The following ELAPOR2 variants were observed in gnomAD, a reference collection of about 807,000 sequenced individuals.
ELAPOR2 encodes the protein endosome/lysosome-associated apoptosis and autophagy regulator family member 2.
ELAPOR2 carries 89 observed loss-of-function variants against 120.7 expected under a neutral mutation model. The observed-to-expected ratio is 0.74, with a 90% CI of 0.62 to 0.88. The LOEUF (loss-of-function observed/expected upper bound fraction) is 0.88, where lower values mean the gene tolerates loss of function less well. ELAPOR2 is among the 40% of genes least tolerant of loss of function. The probability of loss-of-function intolerance (pLI) is 0.00; values close to 1 mark genes in which losing one functional copy is unlikely to be tolerated. For synonymous variants in ELAPOR2, 444 were observed against 444.9 expected, an observed-to-expected ratio of 1.00 and a Z score of 0.03; for missense variants, 1,134 against 1,251.6, an observed-to-expected ratio of 0.91 and a Z score of 1.42.
chr7:87,032,439 C>T (rs1341571982), intron 1 of ELAPOR2, among the ~76,000 whole-genome samples: 1 of 152,142 alleles, frequency 6.6e-6, no homozygotes, highest in Non-Finnish European at 1.5e-5. Context: ...GACAGAATTA[C>T]ACATCAATTT....
At chr7:87,054,704 A>G (rs1031960637) in intron 1 of ELAPOR2, among the ~76,000 whole-genome samples, 1 of 152,130 alleles carries the variant, frequency 6.6e-6, no homozygotes, top group African/African-American at 2.4e-5. Context: ...AAATCTAGGA[A>G]GGCTCTATAA....
chr7:87,043,057 C>A (rs1032399128), intron 1 of ELAPOR2, among the ~76,000 whole-genome samples: 1 of 151,962 alleles, frequency 6.6e-6, no homozygotes, highest in South Asian at 2.1e-4. Context: ...CAACACTAAA[C>A]CAGGAAGAAG....
chr7:87,034,343 T>C (rs1013067684), intron 1 of ELAPOR2, among the ~76,000 whole-genome samples: 5 of 152,142 alleles, frequency 3.3e-5, no homozygotes, highest in African/African-American at 9.7e-5. Context: ...TGGCTATTGT[T>C]ATTATTTATT....
intron 1 of ELAPOR2, among the ~76,000 whole-genome samples, chr7:87,040,258 T>G (rs1378468499): frequency 1.3e-5 from 2 of 152,218 alleles, no homozygotes; most frequent in African/African-American, 4.8e-5. Context: ...TCGAACTGGG[T>G]GGAGCCCACC....
intron 10 of ELAPOR2, among the ~76,000 whole-genome samples, chr7:86,923,697 C>G (rs1436228747): frequency 6.6e-6 from 1 of 152,046 alleles, no homozygotes; most frequent in Non-Finnish European, 1.5e-5. Context: ...TTCTGTACAA[C>G]TTGCACATAA....
chr7:86,993,467 T>C (rs1767697), intron 1 of ELAPOR2, among the ~76,000 whole-genome samples: 57,335 of 151,612 alleles, frequency 0.38, 11,682 homozygotes, highest in African/African-American at 0.53. Context: ...ACAATACCAT[T>C]ATTACTGAGT....
intron 1 of ELAPOR2, among the ~76,000 whole-genome samples, chr7:86,988,434 C>T (rs919523252): frequency 6.6e-6 from 1 of 152,030 alleles, no homozygotes; most frequent in African/African-American, 2.4e-5. Context: ...ATTTATGTAG[C>T]ATTTACATTG....
intron 21 of ELAPOR2, among the ~76,000 whole-genome samples, chr7:86,887,564 G>T (rs1239976017): frequency 6.6e-6 from 1 of 152,044 alleles, no homozygotes; most frequent in African/African-American, 2.4e-5. Context: ...TATAAAGTTG[G>T]TAGCTTTAAA....
At chr7:86,965,705 A>G (rs1044611636) in intron 1 of ELAPOR2, 43 of 485,256 alleles carry the variant, frequency 8.9e-5, no homozygotes, top group Non-Finnish European at 1.0e-4. Flanking sequence ...CACATTACAC[A>G]TAAGTGATAT....
At chr7:86,960,580 C>A (rs551011491) in intron 2 of ELAPOR2, among the ~76,000 whole-genome samples, 3 of 152,090 alleles carry the variant, frequency 2.0e-5, no homozygotes, top group African/African-American at 7.2e-5. Context: ...TTTCTGTCCA[C>A]GTGATCTGTC....
At chr7:87,056,639 A>C (rs78161728) in intron 1 of ELAPOR2, among the ~76,000 whole-genome samples, 2,506 of 152,290 alleles carry the variant, frequency 0.016, 72 homozygotes, top group African/African-American at 0.056. Flanking sequence ...ACAAAGGAAT[A>C]TGTATTTTAT....
Position 86,946,676 on chromosome 7 carries a change from C to T in ELAPOR2, c.506+1051G>A, listed in dbSNP as rs186253815. ...TGCTGGGATTACAGGCATGAGCCAC[C>T]GCCGCACTGGCCCAGACTCAAATTT... On this transcript the variant is annotated intron_variant, in intron 3 of 21. Coordinates refer to ENST00000450689, the MANE Select transcript of ELAPOR2 (RefSeq NM_001142749.3). Among the ~76,000 whole-genome samples the T allele has an allele frequency of 4.1e-4, 62 of 152,252 alleles. No homozygotes were observed. The East Asian group carries it at 0.011, about 27-fold the overall frequency.
chr7:86,892,447 C>T (rs146816969), intron 20 of ELAPOR2, among the ~76,000 whole-genome samples: 59 of 152,048 alleles, frequency 3.9e-4, no homozygotes, highest in African/African-American at 1.4e-3. Context: ...GAATTAGGCT[C>T]AATATTCAAT....
Position 86,913,017 on chromosome 7 carries a change from T to C in ELAPOR2, c.1919A>G (p.Asp640Gly), listed in dbSNP as rs1789388203. 6.2e-7 allele frequency: 1 copy of C among 1,613,924 alleles called. No individual in the cohort carries two copies. Among genetic ancestry groups the C allele is most frequent in the African/African-American group, 1.3e-5 (1 of 74,902 alleles). Residue 640 changes from aspartate (D) to glycine (G), a missense_variant, in exon 14 of 22, where the codon GAC (aspartate) becomes GGC (glycine). Asp to Gly is a moderately conservative substitution (Grantham distance 94). Transcript: ENST00000450689. ...GACCTGATGTATGGACAGGTAGGTG[T>C]CAGGTGGACATTCCTTGCACTGGTT... ...ETNQCKECPP[D>G]TYLSIHQVYG...
At chr7:87,011,230 A>C (rs1278377569) in intron 1 of ELAPOR2, among the ~76,000 whole-genome samples, 1 of 72,268 alleles carries the variant, frequency 1.4e-5, no homozygotes, top group Non-Finnish European at 2.8e-5. Context: ...ATGCATGGCG[A>C]CAGAGCGAGA....
Position 86,912,190 on chromosome 7 carries a change from C to T in ELAPOR2, c.2051G>A (p.Ser684Asn), listed in dbSNP as rs1789346805. 1 of 1,609,300 alleles carries T rather than the reference C, an allele frequency of 6.2e-7. No individual in the cohort carries two copies. Among genetic ancestry groups the T allele is most frequent in the South Asian group, 1.1e-5 (1 of 90,820 alleles). ...GAGGTTGCTAAAGTCATAGTGCAAA[C>T]TCTGATTTTCTTTTTCATGGTAGAA... The part of the protein sequence containing the change: ...CFFYHEKENQ[S>N]LHYDFSNLSS... The change falls in exon 15 of 22, where the codon AGT (serine) becomes AAT (asparagine). Residue 684 changes from serine to asparagine, a missense_variant. Transcript: ENST00000450689.
rs1799238357 is a variant in ELAPOR2 at position 86,878,086 on chromosome 7, A to G, written c.*2385T>C. 1 of 152,232 alleles carries G rather than the reference A, an allele frequency of 6.6e-6. No individual in the cohort carries two copies. Among genetic ancestry groups the G allele is most frequent in the African/African-American group, 2.4e-5 (1 of 41,466 alleles). 9.4% of individuals were successfully genotyped at this position (152,232 alleles called of 1,614,324 possible). A position where few individuals can be genotyped will look rare whatever the true frequency, so the allele number is the denominator to read the frequency against. On this transcript the variant is annotated 3_prime_UTR_variant, in exon 22 of 22. Coordinates refer to ENST00000450689, the MANE Select transcript of ELAPOR2 (RefSeq NM_001142749.3). ...TTAAGGCTTCAAAATTGTGCCTTTT[A>G]GAAAAATAACAAATAACTTCTTCTA...
chr7:86,937,157 TC>T (rs1453501552), intron 8 of ELAPOR2, among the ~76,000 whole-genome samples: 5 of 152,122 alleles, frequency 3.3e-5, no homozygotes, highest in African/African-American at 1.2e-4. Flanking sequence ...GAGTTACTGT[TC>T]TTACTGAAAG....
chr7:86,987,715 G>C (rs1792801858), intron 1 of ELAPOR2, among the ~76,000 whole-genome samples: 1 of 151,752 alleles, frequency 6.6e-6, no homozygotes. Context: ...TGGAGAGGAT[G>C]TGGAGAAATA....
Sources: allele counts gnomAD v4.1 joint callset (sites outside exome capture counted in the v4.1 genomes callset), GRCh38; gene constraint gnomAD v4.1.1; transcripts MANE v1.5; gene names NCBI Gene and HGNC (gene_info 2026-07-23, HGNC 2026-07-21).